Variants in RBM6 observed in about 807,000 individuals in gnomAD.
RBM6 encodes the protein RNA binding motif protein 6.
Under a neutral mutation model 140.4 loss-of-function variants are expected in RBM6, and 23 were observed. The ratio of observed to expected loss-of-function variants is 0.16; its 90% CI spans 0.12 to 0.23. The LOEUF (loss-of-function observed/expected upper bound fraction) is 0.23. Among genes scored for constraint, RBM6 ranks in the 10% least tolerant of loss-of-function variants. The pLI is 1.00. For synonymous variants in RBM6, 439 were observed against 475.6 expected (o/e 0.92, Z 1.00); for missense variants, 1,139 against 1,386.7 (o/e 0.82, Z 2.84).
chr3:50,061,327 G>C, intron 13 of RBM6, 106 bp downstream of exon 13: 1 of 1,592,312 alleles, frequency 6.3e-7, no homozygotes, highest in East Asian at 2.2e-5. Context: ...TTGACTGAGG[G>C]TGCTCATCCA....
In RBM6 at chr3:50,009,013, A is replaced by G. The variant is rs75024436; in HGVS notation, c.1557+9500A>G. On this transcript the variant is annotated intron_variant, in intron 6 of 20. Transcript: ENST00000266022. ...AGTGCTCTGTAGTAAAGGGTGATTC[A>G]TAACACTGGACTCTGCTTGGTTGTA... 7.4e-3 allele frequency among the ~76,000 whole-genome samples: 1,129 copies of G among 152,342 alleles called. 4 individuals carry two copies. The highest frequency in any genetic ancestry group is 0.017 in the Middle Eastern group (5 of 294).
intron 6 of RBM6, among the ~76,000 whole-genome samples, chr3:50,007,957 A>G (rs565487034): frequency 3.3e-5 from 5 of 152,300 alleles, no homozygotes; most frequent in East Asian, 1.9e-4. Flanking sequence ...TTAGCTGGGT[A>G]TGGTGGTGCA....
At position 50,065,015 on chromosome 3, in the gene RBM6, C is replaced by T; in HGVS notation, c.2587-16C>T. The T allele has an allele frequency of 6.3e-7, 1 of 1,597,092 alleles. No homozygotes were observed. On this transcript the variant is annotated splice_polypyrimidine_tract_variant and intron_variant, in intron 15 of 20. Transcript: ENST00000266022. ...ATGAGTGAATATCATGTGAGAGTTA[C>T]CTCTGGTTTGATCAGTTTCAGGAAA... is the stretch of plus-strand genomic sequence containing the variant.
chr3:50,062,532 G>A (rs978744458), intron 15 of RBM6, among the ~76,000 whole-genome samples: 6 of 151,246 alleles, frequency 4.0e-5, no homozygotes, highest in Admixed American at 1.3e-4. Context: ...CTGTTAATGA[G>A]TATTTTTACC....
Position 49,967,369 on chromosome 3 carries a change from A to T in RBM6, c.45-101A>T. 6.6e-7 allele frequency: 1 copy of T among 1,506,940 alleles called. No homozygotes were observed. Among genetic ancestry groups the T allele is most frequent in the Non-Finnish European group, 8.8e-7 (1 of 1,130,340 alleles). 93.3% of individuals were successfully genotyped at this position (1,506,940 alleles called of 1,614,324 possible). On this transcript the variant is annotated intron_variant, in intron 2 of 20. Transcript: ENST00000266022. The surrounding 1 kb of genome is among the most constrained non-coding windows in gnomAD (Gnocchi z 4.0). ...TGTTACAGAACTCTGCCAAAAAAAA[A>T]ATGTTTACAGAAGAATGTGCTGTGA...
At chr3:49,955,160 CTTTTTT>C (rs869272546) in intron 1 of RBM6, among the ~76,000 whole-genome samples, 96 of 72,710 alleles carry the variant, frequency 1.3e-3, no homozygotes, top group African/African-American at 4.4e-3. Flanking sequence ...TTTTTTCTTT[CTTTTTT>C]TTTTTTTTTT....
At chr3:49,978,683 T>A (rs1392492285) in intron 5 of RBM6, among the ~76,000 whole-genome samples, 1 of 152,192 alleles carries the variant, frequency 6.6e-6, no homozygotes, top group Non-Finnish European at 1.5e-5. Context: ...GCTGCAAAAT[T>A]ATTAATATTC....
At chr3:49,983,348 C>T (rs1045993688) in intron 5 of RBM6, among the ~76,000 whole-genome samples, 2 of 151,538 alleles carry the variant, frequency 1.3e-5, no homozygotes, top group African/African-American at 4.9e-5. Flanking sequence ...GCACAGTAGC[C>T]GAGTGTGGTG....
intron 6 of RBM6, among the ~76,000 whole-genome samples, chr3:50,007,386 C>T (rs1031924157): frequency 6.6e-6 from 1 of 151,542 alleles, no homozygotes; most frequent in East Asian, 1.9e-4. Context: ...GGGGTTTTGC[C>T]ATATTGCCCA....
intron 15 of RBM6, among the ~76,000 whole-genome samples, chr3:50,064,280 G>A (rs935005492): frequency 6.6e-6 from 1 of 152,084 alleles, no homozygotes; most frequent in Non-Finnish European, 1.5e-5. Flanking sequence ...CAGAAAAGAG[G>A]AGAGAGAGTG....
At chr3:50,045,965 A>T (rs1312407988) in intron 6 of RBM6, among the ~76,000 whole-genome samples, 3 of 152,080 alleles carry the variant, frequency 2.0e-5, no homozygotes, top group African/African-American at 7.2e-5. Context: ...TAAAGATGTT[A>T]TATCCTGTCT....
At chr3:50,006,263 G>A (rs1011638490) in intron 6 of RBM6, among the ~76,000 whole-genome samples, 2 of 151,492 alleles carry the variant, frequency 1.3e-5, no homozygotes, top group African/African-American at 4.9e-5. Context: ...AGCCTCCCGA[G>A]TAACTGGGAT....
intron 6 of RBM6, among the ~76,000 whole-genome samples, chr3:50,004,826 G>C (rs533364376): frequency 1.3e-5 from 2 of 152,140 alleles, no homozygotes; most frequent in South Asian, 4.2e-4. Flanking sequence ...ATGGGGTCTT[G>C]CTGTGTTGCT....
At chr3:49,975,029 G>A (rs1318853196) in intron 4 of RBM6, among the ~76,000 whole-genome samples, 2 of 150,262 alleles carry the variant, frequency 1.3e-5, no homozygotes, top group Non-Finnish European at 3.0e-5. Flanking sequence ...TTTAGAGATA[G>A]GGTCTCACTA....
intron 19 of RBM6, among the ~76,000 whole-genome samples, chr3:50,072,083 CAAAAAAAAAAAA>C (rs974465674): frequency 2.4e-5 from 1 of 41,460 alleles, no homozygotes; most frequent in Non-Finnish European, 4.7e-5. Context: ...GACTCTGTCT[CAAAAAAAAAAAA>C]AAAAAAAAAA....
Position 49,962,695 on chromosome 3 carries a change from C to T in RBM6, c.44+10C>T. ...GAACTGGACCTTTTCGGTAAGTTCT[C>T]AAATTTGAATATTGAAATTGCCAGT... On this transcript the variant is annotated intron_variant, in intron 2 of 20. Coordinates refer to ENST00000266022, the MANE Select transcript of RBM6 (RefSeq NM_005777.3). 1 of 1,565,814 alleles carries T rather than the reference C, an allele frequency of 6.4e-7. No individual in the cohort carries two copies. The highest frequency in any genetic ancestry group is 8.6e-7 in the Non-Finnish European group (1 of 1,162,180).
intron 4 of RBM6, among the ~76,000 whole-genome samples, chr3:49,973,062 C>G (rs1476320722): frequency 6.6e-6 from 1 of 152,134 alleles, no homozygotes; most frequent in Non-Finnish European, 1.5e-5. Context: ...AACTCCTGAC[C>G]TCAGGTTATC....
chr3:50,035,037 CCCTCT>C (rs2088441342), intron 6 of RBM6, among the ~76,000 whole-genome samples: 2 of 144,284 alleles, frequency 1.4e-5, no homozygotes, highest in Non-Finnish European at 3.1e-5. Flanking sequence ...CCCTCCCCTC[CCCTCT>C]CCTCCCCTAC....
Position 50,057,993 on chromosome 3 carries a change from A to G in RBM6, c.1959A>G (p.Gly653=), listed in dbSNP as rs779617564. ...GGTCTGGAGAGACACGCCAGGATGG[A>G]GAGAGCAAAAGTAAGTAGTTTGTCA... ...ESWSGETRQD[G]ESKTIMLKRI... is the part of the protein sequence containing the mutation. The change falls in exon 9 of 21, where the codon GGA becomes GGG. Residue 653 remains glycine, a synonymous_variant. Transcript: ENST00000266022. 1.2e-6 allele frequency: 2 copies of G among 1,613,098 alleles called. No homozygotes were observed. Among genetic ancestry groups the G allele is most frequent in the Non-Finnish European group, 1.7e-6 (2 of 1,179,752 alleles).
Sources: allele counts gnomAD v4.1 joint callset (sites outside exome capture counted in the v4.1 genomes callset), GRCh38; gene constraint gnomAD v4.1.1; non-coding constraint Gnocchi (gnomAD v3.1); transcripts MANE v1.5; gene names NCBI Gene and HGNC (gene_info 2026-07-23, HGNC 2026-07-21).